Variants in NR3C1 observed in about 807,000 individuals in gnomAD.
NR3C1 encodes glucocorticoid receptor.
NR3C1 carries 14 observed loss-of-function variants against 74.0 expected under a neutral mutation model. The ratio of observed to expected loss-of-function variants is 0.19; its 90% CI spans 0.12 to 0.30. NR3C1 has a LOEUF of 0.30. Among genes scored for constraint, NR3C1 ranks in the 10% least tolerant of loss-of-function variants. The probability of loss-of-function intolerance (pLI) is 1.00; values close to 1 mark genes in which losing one functional copy is unlikely to be tolerated. For synonymous variants in NR3C1, 308 were observed against 332.5 expected (o/e 0.93, Z 0.80); for missense variants, 695 against 909.8 (o/e 0.76, Z 3.04).
At chr5:143,370,614 C>T (rs1005961532) in intron 2 of NR3C1, among the ~76,000 whole-genome samples, 33 of 152,296 alleles carry the variant, frequency 2.2e-4, no homozygotes, top group African/African-American at 6.7e-4. Flanking sequence ...AATACCACAC[C>T]GGTCCTCCCA....
chr5:143,411,174 G>T (rs1025394743), intron 1 of NR3C1, among the ~76,000 whole-genome samples: 3 of 152,116 alleles, frequency 2.0e-5, no homozygotes, highest in Non-Finnish European at 4.4e-5. Flanking sequence ...TGTTATTTTG[G>T]TAGTTTGAAA....
upstream of NR3C1, chr5:143,407,555 T>C (rs1202583337): frequency 2.0e-5 from 3 of 152,210 alleles, no homozygotes; most frequent in South Asian, 2.1e-4. Flanking sequence ...CTGTGTCTGT[T>C]TGTTCACCCC....
At chr5:143,307,458 G>A (rs1177474450) in intron 4 of NR3C1, among the ~76,000 whole-genome samples, 2 of 152,092 alleles carry the variant, frequency 1.3e-5, no homozygotes, top group African/African-American at 4.8e-5. Context: ...ATGAAAGAAG[G>A]CCCTCATAGT....
intron 4 of NR3C1, among the ~76,000 whole-genome samples, chr5:143,303,160 C>A (rs1389753525): frequency 2.2e-5 from 3 of 134,784 alleles, no homozygotes; most frequent in Non-Finnish European, 3.1e-5. Flanking sequence ...CACCTCTATG[C>A]ACACAAAGTA....
chr5:143,373,462 G>A (rs1834577312), intron 2 of NR3C1, among the ~76,000 whole-genome samples: 1 of 151,694 alleles, frequency 6.6e-6, no homozygotes, highest in Non-Finnish European at 1.5e-5. Context: ...ACATTTATCG[G>A]GGGGTGGGGG....
chr5:143,395,407 A>AT (rs1463902751), intron 2 of NR3C1, among the ~76,000 whole-genome samples: 1 of 151,830 alleles, frequency 6.6e-6, no homozygotes, highest in South Asian at 2.1e-4. Flanking sequence ...ATTCAACAAA[A>AT]TTTTCTTGAA....
chr5:143,303,410 G>A (rs929427067), intron 4 of NR3C1, among the ~76,000 whole-genome samples: 3 of 151,760 alleles, frequency 2.0e-5, no homozygotes, highest in East Asian at 1.9e-4. Context: ...GACCAATAAC[G>A]AGTTCTGAAA....
intron 4 of NR3C1, among the ~76,000 whole-genome samples, chr5:143,301,586 AG>A: frequency 6.6e-6 from 1 of 152,260 alleles, no homozygotes; most frequent in South Asian, 2.1e-4. Flanking sequence ...TGGATCCTGT[AG>A]ACTTTTTAGT....
chr5:143,344,225 T>A (rs966354225), intron 2 of NR3C1, among the ~76,000 whole-genome samples: 1 of 152,184 alleles, frequency 6.6e-6, no homozygotes, highest in African/African-American at 2.4e-5. Context: ...CCCAACAATT[T>A]TTCATACCCA....
chr5:143,383,025 G>A (rs1473808740), intron 2 of NR3C1, among the ~76,000 whole-genome samples: 3 of 152,202 alleles, frequency 2.0e-5, no homozygotes, highest in African/African-American at 7.2e-5. Flanking sequence ...GGCAGAGCAG[G>A]CACTAAGTAA....
intron 1 of NR3C1, among the ~76,000 whole-genome samples, chr5:143,428,841 C>T (rs1751669284): frequency 6.6e-6 from 1 of 152,192 alleles, no homozygotes; most frequent in African/African-American, 2.4e-5. Flanking sequence ...ACTGTTTTCG[C>T]CATTCTGACT....
intron 1 of NR3C1, among the ~76,000 whole-genome samples, chr5:143,431,973 G>C (rs1224002218): frequency 6.6e-6 from 1 of 152,244 alleles, no homozygotes; most frequent in Non-Finnish European, 1.5e-5. Flanking sequence ...TCTCCCTGAG[G>C]GGGTGGTGGT....
intron 2 of NR3C1, among the ~76,000 whole-genome samples, chr5:143,337,256 G>A (rs191677739): frequency 2.6e-5 from 4 of 152,140 alleles, no homozygotes; most frequent in Admixed American, 6.5e-5. Flanking sequence ...CATATGAAAA[G>A]TTACTCAGCT....
At chr5:143,305,147 CAG>C (rs971079156) in intron 4 of NR3C1, among the ~76,000 whole-genome samples, 4 of 152,102 alleles carry the variant, frequency 2.6e-5, no homozygotes, top group Admixed American at 2.6e-4. Context: ...CCCTAATATC[CAG>C]AGTTTATATG....
intron 2 of NR3C1, among the ~76,000 whole-genome samples, chr5:143,346,952 A>G (rs1168022548): frequency 1.3e-5 from 2 of 152,256 alleles, no homozygotes; most frequent in Non-Finnish European, 2.9e-5. Context: ...CAAAGCAGCA[A>G]CATGTGTGCT....
At chr5:143,310,443 T>C (rs72481836) in intron 3 of NR3C1, among the ~76,000 whole-genome samples, 1 of 152,124 alleles carries the variant, frequency 6.6e-6, no homozygotes, top group African/African-American at 2.4e-5. Flanking sequence ...AAAAACCTTA[T>C]TGCAGTATTC....
intron 7 of NR3C1, among the ~76,000 whole-genome samples, chr5:143,286,807 GT>G (rs767208615): frequency 6.6e-6 from 1 of 151,664 alleles, no homozygotes; most frequent in Non-Finnish European, 1.5e-5. Flanking sequence ...AGCACAGTAA[GT>G]TTTTTTTCAA....
intron 2 of NR3C1, among the ~76,000 whole-genome samples, chr5:143,377,006 C>T (rs899489613): frequency 1.3e-5 from 2 of 152,070 alleles, no homozygotes; most frequent in East Asian, 1.9e-4. Context: ...GCTGTGATCT[C>T]GGTTACACTG....
intron 7 of NR3C1, among the ~76,000 whole-genome samples, chr5:143,292,197 T>TATTTA (rs893264305): frequency 6.6e-6 from 1 of 152,146 alleles, no homozygotes; most frequent in Non-Finnish European, 1.5e-5. Context: ...TTTCTTCTGT[T>TATTTA]GTTTTTGGGT....
Sources: gnomAD v4.1 joint callset for allele counts (sites outside exome capture counted in the v4.1 genomes callset) on GRCh38, gnomAD v4.1.1 for gene constraint, MANE v1.5 for transcripts, NCBI Gene and HGNC (gene_info 2026-07-23, HGNC 2026-07-21) for gene names.